Variants in ZNF365 observed in about 807,000 individuals in gnomAD.
ZNF365 encodes protein ZNF365.
In ZNF365, 22 loss-of-function variants were observed where a neutral mutation model predicts 35.0. That is an observed-to-expected ratio of 0.63 (90% confidence interval 0.45 to 0.90). The LOEUF (loss-of-function observed/expected upper bound fraction) is 0.90. ZNF365 is among the 40% of genes least tolerant of loss of function. ZNF365 has a pLI of 0.00. For synonymous variants in ZNF365, 188 were observed against 196.2 expected (o/e 0.96, Z 0.35); for missense variants, 448 against 500.3 (o/e 0.90, Z 1.00).
At chr10:62,429,077 A>G (rs1340189231) in intron 3 of ZNF365, among the ~76,000 whole-genome samples, 2 of 151,932 alleles carry the variant, frequency 1.3e-5, no homozygotes, top group East Asian at 1.9e-4. Context: ...TTTGGCCTCT[A>G]TCTCCAACTA....
chr10:62,420,672 A>G (rs1465882275), intron 3 of ZNF365, among the ~76,000 whole-genome samples: 2 of 152,224 alleles, frequency 1.3e-5, no homozygotes, highest in African/African-American at 4.8e-5. Context: ...GTTGGCAGTG[A>G]ACTTGAAAAT....
chr10:62,452,299 C>G (rs1246754347), intron 3 of ZNF365, among the ~76,000 whole-genome samples: 3 of 152,008 alleles, frequency 2.0e-5, no homozygotes, highest in African/African-American at 7.2e-5. Context: ...ATGGTCAGAA[C>G]AGAGAGGAAA....
intron 4 of ZNF365, among the ~76,000 whole-genome samples, chr10:62,470,831 G>A (rs1288773539): frequency 2.0e-5 from 3 of 152,010 alleles, no homozygotes; most frequent in African/African-American, 7.3e-5. Flanking sequence ...TCCTGTTGGA[G>A]TGTTCATCCT....
intron 3 of ZNF365, among the ~76,000 whole-genome samples, chr10:62,417,608 T>C (rs1840095036): frequency 6.6e-6 from 1 of 152,056 alleles, no homozygotes; most frequent in African/African-American, 2.4e-5. Context: ...GCTCAAATTT[T>C]GTTGTTTTAT....
At chr10:62,405,536 G>A (rs1219949938), downstream of ZNF365, among the ~76,000 whole-genome samples, 1 of 152,182 alleles carries the variant, frequency 6.6e-6, no homozygotes, top group East Asian at 1.9e-4. Flanking sequence ...ATATGCATTT[G>A]TTGATTACAT....
rs555651408 is a variant in ZNF365 at position 62,420,671 on chromosome 10, G to T, written c.924+32095G>T. On this transcript the variant is annotated intron_variant, in intron 3 of 4. Coordinates refer to the ZNF365 transcript ENST00000395255. ...CTTTGATTGATTGCAAGTTGGCAGT[G>T]AACTTGAAAATAAAGGGATGACCTG... 8.2e-4 allele frequency among the ~76,000 whole-genome samples: 125 copies of T among 152,314 alleles called. 3 individuals are homozygous for T. Among genetic ancestry groups the T allele is most frequent in the Non-Finnish European group, 3.2e-4 (22 of 68,032 alleles).
chr10:62,446,088 C>G (rs918563492), intron 3 of ZNF365, among the ~76,000 whole-genome samples: 7 of 152,156 alleles, frequency 4.6e-5, no homozygotes, highest in Admixed American at 1.3e-4. Flanking sequence ...TTGGAAAACC[C>G]AAGTCACTGC....
intron 3 of ZNF365, 26 bp from the exon 4 acceptor site, chr10:62,398,714 A>G (rs1564573820): frequency 2.5e-6 from 4 of 1,607,012 alleles, no homozygotes; most frequent in Non-Finnish European, 2.5e-6. Flanking sequence ...TGCAGTTAAC[A>G]TTTTTTCTTA....
At chr10:62,434,697 A>C (rs1210148992) in intron 3 of ZNF365, among the ~76,000 whole-genome samples, 2 of 152,186 alleles carry the variant, frequency 1.3e-5, no homozygotes, top group African/African-American at 4.8e-5. Flanking sequence ...CTAAGCAAGG[A>C]AGTATACTGG....
chr10:62,473,737 G>T (rs137964220), intron 4 of ZNF365, among the ~76,000 whole-genome samples: 79 of 152,264 alleles, frequency 5.2e-4, no homozygotes, highest in African/African-American at 1.7e-3. Flanking sequence ...CTGGGGGTTT[G>T]TTAGTGTATC....
downstream of ZNF365, among the ~76,000 whole-genome samples, chr10:62,404,934 T>C: frequency 1.3e-5 from 2 of 152,334 alleles, 1 homozygote; most frequent in South Asian, 4.1e-4. Flanking sequence ...ATATTTATCC[T>C]TACAGAATCC....
chr10:62,467,795 T>G (rs1393628368), intron 4 of ZNF365, among the ~76,000 whole-genome samples: 6 of 152,154 alleles, frequency 3.9e-5, no homozygotes, highest in Non-Finnish European at 5.9e-5. Flanking sequence ...TTTTGATGCT[T>G]AAATAAGGAA....
At position 62,410,969 on chromosome 10, in the gene ZNF365, C is replaced by A. The variant is rs188625454; in HGVS notation, c.924+22393C>A. Among the ~76,000 whole-genome samples, 62 of 152,278 alleles carry A rather than the reference C, an allele frequency of 4.1e-4. 1 individual carries two copies. The highest frequency in any genetic ancestry group is 1.4e-3 in the African/African-American group (58 of 41,550). On this transcript the variant is annotated intron_variant, in intron 3 of 4. Coordinates refer to the ZNF365 transcript ENST00000395255. ...TCTGGACATTTTAATAATTGCCATT[C>A]TGACTAGCTTGAGACAGTGTATCAT...
At chr10:62,439,850 A>G (rs1468123257) in intron 3 of ZNF365, among the ~76,000 whole-genome samples, 3 of 152,206 alleles carry the variant, frequency 2.0e-5, no homozygotes, top group Non-Finnish European at 2.9e-5. Context: ...AACTGACACA[A>G]TCTAAATATT....
intron 1 of ZNF365, among the ~76,000 whole-genome samples, chr10:62,374,911 GC>G (rs1839290331): frequency 1.3e-5 from 2 of 152,148 alleles, no homozygotes; most frequent in Admixed American, 1.3e-4. Context: ...GCCAGGGTTT[GC>G]ATCTCGTTCC....
chr10:62,438,343 A>C (rs1408340275), intron 3 of ZNF365, among the ~76,000 whole-genome samples: 1 of 151,846 alleles, frequency 6.6e-6, no homozygotes, highest in Non-Finnish European at 1.5e-5. Context: ...CGCAGCAACC[A>C]TGCCAGGCTA....
chr10:62,426,384 G>A (rs1840250557), intron 3 of ZNF365, among the ~76,000 whole-genome samples: 1 of 152,084 alleles, frequency 6.6e-6, no homozygotes, highest in Non-Finnish European at 1.5e-5. Flanking sequence ...CCATGATCCA[G>A]TCAAACCTCC....
At chr10:62,427,949 T>C (rs1840275048) in intron 3 of ZNF365, among the ~76,000 whole-genome samples, 2 of 152,158 alleles carry the variant, frequency 1.3e-5, no homozygotes, top group African/African-American at 4.8e-5. Context: ...GAAAATTCCA[T>C]ATTCACTTTA....
intron 3 of ZNF365, among the ~76,000 whole-genome samples, chr10:62,448,478 A>T (rs116357627): frequency 2.5e-3 from 383 of 152,340 alleles, no homozygotes; most frequent in African/African-American, 9.0e-3. Flanking sequence ...TATTGCAGTC[A>T]CTTTGGCCCT....
Sources: gnomAD v4.1 joint callset for allele counts (sites outside exome capture counted in the v4.1 genomes callset) on GRCh38, gnomAD v4.1.1 for gene constraint, MANE v1.5 for transcripts, NCBI Gene and HGNC (gene_info 2026-07-23, HGNC 2026-07-21) for gene names.